The following GRIK2 variants were observed in gnomAD, a reference collection of about 807,000 sequenced individuals.
GRIK2 encodes glutamate receptor ionotropic, kainate 2.
A neutral mutation model predicts 100.3 loss-of-function variants in GRIK2; 32 were observed. The ratio of observed to expected loss-of-function variants is 0.32; its 90% CI spans 0.24 to 0.43. The LOEUF is 0.43. Among genes scored for constraint, GRIK2 ranks in the 20% least tolerant of loss-of-function variants. The pLI is 1.00. For synonymous variants in GRIK2, 417 were observed against 389.4 expected (o/e 1.07, Z -0.83); for missense variants, 843 against 1,114.9 (o/e 0.76, Z 3.47).
At chr6:101,414,299 C>G (rs1247932887) in intron 2 of GRIK2, among the ~76,000 whole-genome samples, 1 of 152,222 alleles carries the variant, frequency 6.6e-6, no homozygotes, top group Non-Finnish European at 1.5e-5. Flanking sequence ...CTTTTCTCCA[C>G]TGCCCCCAGC....
Position 102,041,481 on chromosome 6 carries a change from A to G in GRIK2, c.2311+5915A>G, listed in dbSNP as rs1331320566. On this transcript the variant is annotated intron_variant, in intron 15 of 16. Coordinates refer to ENST00000369134, the MANE Select transcript of GRIK2 (RefSeq NM_021956.5). Reference sequence around the variant, plus strand: ...AAAAGCTAGTCAAATGTTTGTTCTAAATACCAAACCCAAATGCTTTGCATT... The same window carrying G: ...AAAAGCTAGTCAAATGTTTGTTCTAGATACCAAACCCAAATGCTTTGCATT... Among the ~76,000 whole-genome samples the G allele has an allele frequency of 9.2e-5, 14 of 151,572 alleles. No individual in the cohort carries two copies. In the Admixed American group the frequency reaches 9.2e-4, roughly 10 times the overall value.
Position 101,749,401 on chromosome 6 carries a change from G to T in GRIK2, c.952-50247G>T, listed in dbSNP as rs1378729784. ...TGGAATTACAGGCATGAACCACCAC[G>T]CCTGGCCAGAAGTATTATTTTTGCT... On this transcript the variant is annotated intron_variant, in intron 7 of 16. Coordinates refer to ENST00000369134, the MANE Select transcript of GRIK2 (RefSeq NM_021956.5). Among the ~76,000 whole-genome samples, 3 of 152,010 alleles carry T rather than the reference G, an allele frequency of 2.0e-5. No homozygotes were observed. The East Asian group carries it at 5.8e-4, about 29-fold the overall frequency.
At chr6:101,719,754 C>A (rs1774345336) in intron 7 of GRIK2, among the ~76,000 whole-genome samples, 1 of 151,998 alleles carries the variant, frequency 6.6e-6, no homozygotes, top group African/African-American at 2.4e-5. Flanking sequence ...GATAACAGCT[C>A]ACTGGAGGGA....
At chr6:101,818,007 C>A (rs1357338790) in intron 9 of GRIK2, among the ~76,000 whole-genome samples, 1 of 152,088 alleles carries the variant, frequency 6.6e-6, no homozygotes, top group Non-Finnish European at 1.5e-5. Context: ...GGCATGTTAT[C>A]TTTATGAGAG....
intron 7 of GRIK2, among the ~76,000 whole-genome samples, chr6:101,768,014 A>G (rs1280764108): frequency 9.9e-5 from 15 of 151,964 alleles, no homozygotes; most frequent in Admixed American, 9.2e-4. Context: ...ATGCGCTACC[A>G]TGCCTGGCTA....
At chr6:101,845,931 G>C (rs563304442) in intron 10 of GRIK2, among the ~76,000 whole-genome samples, 5 of 151,918 alleles carry the variant, frequency 3.3e-5, no homozygotes, top group Admixed American at 1.3e-4. Flanking sequence ...GCATGTTTCT[G>C]TGTGCTTGTT....
intron 2 of GRIK2, among the ~76,000 whole-genome samples, chr6:101,446,094 C>A (rs894808440): frequency 1.3e-5 from 2 of 151,938 alleles, no homozygotes; most frequent in South Asian, 4.1e-4. Flanking sequence ...CCACTCAGCA[C>A]CTGGCCTGTT....
At chr6:101,662,402 A>G (rs117426193) in intron 4 of GRIK2, among the ~76,000 whole-genome samples, 3,116 of 152,282 alleles carry the variant, frequency 0.02, 53 homozygotes, top group Non-Finnish European at 0.027. Flanking sequence ...GTTTCAAGAA[A>G]CTGCCTAGAT....
At chr6:101,505,336 C>T (rs759891240) in intron 2 of GRIK2, among the ~76,000 whole-genome samples, 12 of 151,960 alleles carry the variant, frequency 7.9e-5, no homozygotes, top group South Asian at 6.2e-4. Flanking sequence ...AATGACTTGC[C>T]GAAGCTTTCC....
intron 2 of GRIK2, among the ~76,000 whole-genome samples, chr6:101,422,910 C>T (rs1157331124): frequency 5.3e-5 from 8 of 152,142 alleles, no homozygotes; most frequent in African/African-American, 1.7e-4. Flanking sequence ...GTTTACAGTG[C>T]ATTTTTTCTT....
chr6:101,495,491 G>GGTATA lies in GRIK2; in HGVS notation c.115+96099_115+96100insGTATA, dbSNP rs1773395883. On this transcript the variant is annotated intron_variant, in intron 2 of 16. Transcript: ENST00000369134. ...ACTGCACTCTAGCCTGGGAGATAGA[G>GGTATA]CAAGACTCCGTCTCAAAATAAGTAA... Among the ~76,000 whole-genome samples, 4 of 152,064 alleles carry GGTATA rather than the reference G, an allele frequency of 2.6e-5. No individual in the cohort carries two copies. The South Asian group carries it at 8.3e-4, about 32-fold the overall frequency.
intron 8 of GRIK2, among the ~76,000 whole-genome samples, chr6:101,799,999 AG>A (rs1478735150): frequency 6.6e-6 from 1 of 152,140 alleles, no homozygotes; most frequent in African/African-American, 2.4e-5. Flanking sequence ...AGTATCTATG[AG>A]GGTTAGCATT....
chr6:101,609,648 C>G (rs1281586161), intron 2 of GRIK2, among the ~76,000 whole-genome samples: 1 of 151,778 alleles, frequency 6.6e-6, no homozygotes, highest in Non-Finnish European at 1.5e-5. Flanking sequence ...ATGAGACACT[C>G]TCATATTTCT....
At chr6:101,548,188 T>G (rs1003990898) in intron 2 of GRIK2, among the ~76,000 whole-genome samples, 1 of 152,158 alleles carries the variant, frequency 6.6e-6, no homozygotes, top group African/African-American at 2.4e-5. Context: ...TCTTGTAAAT[T>G]TGTTTGAGTT....
chr6:101,859,368 C>T lies in GRIK2; in HGVS notation c.1399C>T (p.Leu467Phe). The T allele has an allele frequency of 1.2e-6, 2 of 1,601,954 alleles. No individual in the cohort carries two copies. The highest frequency in any genetic ancestry group is 1.7e-6 in the Non-Finnish European group (2 of 1,169,110). Residue 467 changes from leucine (L) to phenylalanine (F), a missense_variant, in exon 11 of 17, where the codon CTC (leucine) becomes TTC (phenylalanine). Coordinates refer to ENST00000369134, the MANE Select transcript of GRIK2 (RefSeq NM_021956.5). ...DRFEGYCIDL[L>F]RELSTILGFT... ...ATTTGAAGGCTATTGCATTGATCTC[C>T]TCAGAGAGTTATCTACAATCCTTGG...
intron 14 of GRIK2, among the ~76,000 whole-genome samples, chr6:102,032,451 A>T (rs1167103674): frequency 6.6e-6 from 1 of 151,204 alleles, no homozygotes; most frequent in Non-Finnish European, 1.5e-5. Context: ...TGGGGCCTGG[A>T]GGTCAGAAGG....
intron 16 of GRIK2, among the ~76,000 whole-genome samples, chr6:102,063,376 T>C (rs1342394989): frequency 1.3e-5 from 2 of 150,804 alleles, no homozygotes; most frequent in Non-Finnish European, 3.0e-5. Context: ...TATTTTATGA[T>C]ATTTCTTGAC....
At chr6:102,062,208 G>A (rs1308306908) in intron 16 of GRIK2, among the ~76,000 whole-genome samples, 3 of 150,336 alleles carry the variant, frequency 2.0e-5, no homozygotes, top group Non-Finnish European at 4.5e-5. Context: ...AAATAATCCA[G>A]GCTAAAGCAT....
At chr6:102,034,876 G>A (rs958736644) in intron 14 of GRIK2, among the ~76,000 whole-genome samples, 12 of 151,276 alleles carry the variant, frequency 7.9e-5, no homozygotes, top group Non-Finnish European at 1.8e-4. Context: ...TCTGTGTTAC[G>A]TTAACCCAAG....
Sources: allele counts gnomAD v4.1 joint callset (sites outside exome capture counted in the v4.1 genomes callset), GRCh38; gene constraint gnomAD v4.1.1; transcripts MANE v1.5; gene names NCBI Gene and HGNC (gene_info 2026-07-23, HGNC 2026-07-21).